Variants in UNC79 observed in about 807,000 individuals in gnomAD.
UNC79 encodes unc-79 subunit of NALCN channel complex.
In UNC79, 37 loss-of-function variants were observed where a neutral mutation model predicts 283.1. That is an observed-to-expected ratio of 0.13 (90% CI 0.10 to 0.17). UNC79 has a LOEUF of 0.17. Ranked by LOEUF, UNC79 falls within the 10% of genes least tolerant of loss-of-function variation. UNC79 has a pLI of 1.00. For synonymous variants in UNC79, 1,107 were observed against 1,200.2 expected (o/e 0.92, Z 1.61); for missense variants, 2,272 against 3,211.1 (o/e 0.71, Z 7.07).
intron 1 of UNC79, among the ~76,000 whole-genome samples, chr14:93,453,979 C>T (rs530422985): frequency 6.6e-6 from 1 of 152,004 alleles, no homozygotes; most frequent in Admixed American, 6.5e-5. Context: ...ATTGTTTTTC[C>T]CTTTTCTTTA....
chr14:93,649,863 A>T (rs775430589), intron 35 of UNC79, among the ~76,000 whole-genome samples: 2 of 152,204 alleles, frequency 1.3e-5, no homozygotes, highest in Non-Finnish European at 2.9e-5. Flanking sequence ...ACAAATCTTA[A>T]GTGTTTATTC....
chr14:93,530,530 TA>T (rs1397350861), intron 10 of UNC79, among the ~76,000 whole-genome samples: 1 of 152,128 alleles, frequency 6.6e-6, no homozygotes, highest in Non-Finnish European at 1.5e-5. Context: ...GAGGATCATT[TA>T]AGCCCAGGAG....
intron 26 of UNC79, among the ~76,000 whole-genome samples, chr14:93,607,879 A>G (rs769602422): frequency 3.3e-5 from 5 of 152,154 alleles, no homozygotes; most frequent in Non-Finnish European, 7.3e-5. Flanking sequence ...CTTTCTTTCT[A>G]CAGATGGTTT....
intron 1 of UNC79, among the ~76,000 whole-genome samples, chr14:93,453,991 T>G (rs2140182551): frequency 6.6e-6 from 1 of 152,258 alleles, no homozygotes; most frequent in Middle Eastern, 3.4e-3. Flanking sequence ...TTTTCTTTAT[T>G]GCAAGTGTCC....
chr14:93,502,462 G>T (rs897439586), intron 7 of UNC79, among the ~76,000 whole-genome samples: 13 of 152,086 alleles, frequency 8.5e-5, no homozygotes, highest in Non-Finnish European at 4.4e-5. Flanking sequence ...GGACTCCCAT[G>T]TGTATGTATA....
chr14:93,390,386 G>C (rs1332166116), intron 1 of UNC79, among the ~76,000 whole-genome samples: 1 of 152,124 alleles, frequency 6.6e-6, no homozygotes. Context: ...CATTTTGAAA[G>C]CTTTATCTTT....
chr14:93,603,375 C>T (rs1461613007), exon 26 of UNC79: 1 of 1,614,046 alleles, frequency 6.2e-7, no homozygotes, highest in African/African-American at 1.3e-5. Flanking sequence ...CTGTGGAATC[C>T]AAGAGGGCGC....
exon 1 of UNC79, chr14:93,333,237 G>A (rs2139852948): frequency 5.0e-6 from 2 of 401,802 alleles, no homozygotes; most frequent in Non-Finnish European, 8.7e-6. Context: ...TCGTCGGCTG[G>A]GAGCCGGGCG....
chr14:93,378,909 C>T (rs1319159485), intron 1 of UNC79, among the ~76,000 whole-genome samples: 1 of 152,008 alleles, frequency 6.6e-6, no homozygotes, highest in Non-Finnish European at 1.5e-5. Flanking sequence ...ATATAACAAA[C>T]AATAGAAGAT....
In UNC79 at chr14:93,688,902, T is replaced by G; in HGVS notation, c.7085+62T>G. 1 of 1,563,620 alleles carries G rather than the reference T, an allele frequency of 6.4e-7. No homozygotes were observed. Among genetic ancestry groups the G allele is most frequent in the Non-Finnish European group, 8.7e-7 (1 of 1,151,020 alleles). Reference sequence around the variant, plus strand: ...AGGCAGGAGACACCCCTGAGTTTCCTCGGGCTCAGCTAGAGTTAAGGAGTA... The same window carrying G: ...AGGCAGGAGACACCCCTGAGTTTCCGCGGGCTCAGCTAGAGTTAAGGAGTA... On this transcript the variant is annotated intron_variant, in intron 44 of 48. Coordinates refer to ENST00000555664, the Ensembl canonical transcript of UNC79. This position sits in a 1 kb window ranked among gnomAD's most constrained non-coding sequence, Gnocchi z 4.0.
intron 14 of UNC79, among the ~76,000 whole-genome samples, chr14:93,562,624 G>A (rs985260131): frequency 2.0e-5 from 3 of 152,090 alleles, no homozygotes; most frequent in African/African-American, 7.2e-5. Flanking sequence ...AGATATGAAG[G>A]TTCCACTGAA....
intron 1 of UNC79, among the ~76,000 whole-genome samples, chr14:93,334,228 T>C (rs961926730): frequency 6.6e-6 from 1 of 152,244 alleles, no homozygotes; most frequent in Non-Finnish European, 1.5e-5. Flanking sequence ...TCCTTCAGAT[T>C]TGTATTTTCC....
chr14:93,659,408 G>A (rs1208707344), intron 39 of UNC79, 147 bp downstream of exon 42: 4 of 635,242 alleles, frequency 6.3e-6, no homozygotes, highest in Non-Finnish European at 1.1e-5. Context: ...TGCTAGGTCA[G>A]TGCCTTGTAT....
intron 6 of UNC79, 137 bp downstream of exon 6, chr14:93,496,603 T>C: frequency 4.0e-6 from 2 of 501,378 alleles, no homozygotes; most frequent in Non-Finnish European, 6.8e-6. Flanking sequence ...GAACCTATAA[T>C]TCTTTCTTTA....
chr14:93,517,513 C>G (rs536765354), intron 7 of UNC79, among the ~76,000 whole-genome samples: 1 of 147,928 alleles, frequency 6.8e-6, no homozygotes, highest in Non-Finnish European at 1.5e-5. Flanking sequence ...ACTGTCTGTT[C>G]TTAGTTTGCT....
At chr14:93,585,301 G>T (rs764214309) in intron 20 of UNC79, among the ~76,000 whole-genome samples, 1 of 152,064 alleles carries the variant, frequency 6.6e-6, no homozygotes, top group African/African-American at 2.4e-5. Context: ...TCTGCTCTGC[G>T]GGCCTTCAGG....
At chr14:93,640,740 T>C (rs1596193262) in intron 32 of UNC79, among the ~76,000 whole-genome samples, 1 of 152,246 alleles carries the variant, frequency 6.6e-6, no homozygotes, top group East Asian at 1.9e-4. Context: ...GTAATGTTGA[T>C]ATGCGTTTGT....
At chr14:93,357,717 A>ATG (rs2054120976) in intron 1 of UNC79, among the ~76,000 whole-genome samples, 1 of 116,894 alleles carries the variant, frequency 8.6e-6, no homozygotes, top group African/African-American at 3.4e-5. Flanking sequence ...ATATATATAT[A>ATG]TATGGATATA....
chr14:93,674,857 A>G (rs1320919379), intron 41 of UNC79, among the ~76,000 whole-genome samples: 3 of 152,188 alleles, frequency 2.0e-5, no homozygotes, highest in Non-Finnish European at 4.4e-5. Context: ...GACAGGTAGT[A>G]TCAAGCACCT....
Sources: allele counts gnomAD v4.1 joint callset (sites outside exome capture counted in the v4.1 genomes callset), GRCh38; gene constraint gnomAD v4.1.1; non-coding constraint Gnocchi (gnomAD v3.1); transcripts MANE v1.5; gene names NCBI Gene and HGNC (gene_info 2026-07-23, HGNC 2026-07-21).